The following C11orf65 variants were observed in gnomAD, a reference collection of about 807,000 sequenced individuals.
C11orf65 encodes the protein protein MFI.
C11orf65 carries 38 observed loss-of-function variants against 35.3 expected under a neutral mutation model. That is an observed-to-expected ratio of 1.08 (90% CI 0.83 to 1.41). The LOEUF (loss-of-function observed/expected upper bound fraction) is 1.41. Among genes scored for constraint, C11orf65 ranks in the 40% most tolerant of loss-of-function variants. The probability of loss-of-function intolerance (pLI) is 0.00; values close to 1 mark genes in which losing one functional copy is unlikely to be tolerated. For missense variants in C11orf65, 370 were observed against 367.1 expected (o/e 1.01, Z -0.06); for synonymous variants, 105 against 114.4 (o/e 0.92, Z 0.53).
Position 108,354,710 on chromosome 11 carries a change from A to G in C11orf65, c.227-19418T>C, listed in dbSNP as rs992786517. The G allele has an allele frequency of 5.7e-6, 6 of 1,048,068 alleles. No homozygotes were observed. In the African/African-American group the frequency reaches 7.8e-5, roughly 14 times the overall value. 64.9% of individuals were successfully genotyped at this position (1,048,068 alleles called of 1,614,324 possible). A position where few individuals can be genotyped will look rare whatever the true frequency, so the allele number is the denominator to read the frequency against. On this transcript the variant is annotated intron_variant, in intron 2 of 3. Coordinates refer to the C11orf65 transcript ENST00000524755. ...TGAGATACAGATATGTAGATTATTAAGCATAGGCTCAGCATACTACACATG... is the reference window on the plus strand; with the variant it reads ...TGAGATACAGATATGTAGATTATTAGGCATAGGCTCAGCATACTACACATG...
chr11:108,364,991 T>C (rs2137855986), intron 2 of C11orf65: 2 of 1,458,782 alleles, frequency 1.4e-6, no homozygotes, highest in Non-Finnish European at 1.9e-6. Context: ...ACCATGTGAC[T>C]GGCTTATTTG....
intron 2 of C11orf65, among the ~76,000 whole-genome samples, chr11:108,458,917 G>A (rs2093438169): frequency 6.6e-6 from 1 of 152,142 alleles, no homozygotes; most frequent in African/African-American, 2.4e-5. Flanking sequence ...AAAAAAAAGT[G>A]AACCTTGGTT....
intron 6 of C11orf65, among the ~76,000 whole-genome samples, chr11:108,324,687 T>G (rs987325597): frequency 7.2e-5 from 11 of 152,348 alleles, no homozygotes; most frequent in African/African-American, 2.4e-4. Context: ...TTCCTCTTTC[T>G]TATTTCTTTC....
At chr11:108,407,056 G>T in intron 4 of C11orf65, 40 bp downstream of exon 4, 1 of 1,578,482 alleles carries the variant, frequency 6.3e-7, no homozygotes, top group Non-Finnish European at 8.7e-7. Context: ...TCATAAAAAT[G>T]TGCTTTATAA....
At chr11:108,460,436 A>G (rs1432164011) in intron 2 of C11orf65, among the ~76,000 whole-genome samples, 4 of 152,184 alleles carry the variant, frequency 2.6e-5, no homozygotes, top group African/African-American at 9.6e-5. Context: ...ATAAAAGCAC[A>G]AGTGACCACG....
chr11:108,408,590 C>T (rs1474416155), intron 3 of C11orf65, among the ~76,000 whole-genome samples: 6 of 151,202 alleles, frequency 4.0e-5, no homozygotes, highest in Non-Finnish European at 7.4e-5. Flanking sequence ...GCAGGAGAAT[C>T]GCTTGAACCA....
chr11:108,352,190 A>G (rs2137234849), intron 2 of C11orf65, among the ~76,000 whole-genome samples: 1 of 152,380 alleles, frequency 6.6e-6, no homozygotes. Flanking sequence ...GCCAACACTG[A>G]GATGACAATG....
chr11:108,364,946 G>T, intron 2 of C11orf65: 1 of 910,336 alleles, frequency 1.1e-6, no homozygotes. Flanking sequence ...GAAACATGAA[G>T]TGTGCATGAT....
rs1162955302 is a variant in C11orf65, at chr11:108,465,982, TAAAA to T, written c.-10+1485_-10+1488del. Among the ~76,000 whole-genome samples, 498 of 126,130 alleles carry T rather than the reference TAAAA, an allele frequency of 3.9e-3. 1 individual carries two copies. The highest frequency in any genetic ancestry group is 0.013 in the African/African-American group (473 of 36,014). The allele number at this position is 126,130 out of a possible 152,430, so 82.7% of individuals were successfully genotyped here. On this transcript the variant is annotated intron_variant, in intron 1 of 8. Coordinates refer to ENST00000393084, the MANE Select transcript of C11orf65 (RefSeq NM_152587.5). Reference sequence around the variant, plus strand: ...TGGGCAACAAGAGTGAAACTCGGTCTAAAAAAAAAAAAAAACAACAACAACAACA... The same window carrying T: ...TGGGCAACAAGAGTGAAACTCGGTCTAAAAAAAAAAACAACAACAACAACA...
chr11:108,456,525 T>C (rs1038678124), intron 2 of C11orf65, among the ~76,000 whole-genome samples: 1 of 152,144 alleles, frequency 6.6e-6, no homozygotes, highest in African/African-American at 2.4e-5. Flanking sequence ...CTCACCTCTG[T>C]AATCTCAGCA....
chr11:108,371,006 T>G (rs1017451997), intron 2 of C11orf65, among the ~76,000 whole-genome samples: 1 of 152,106 alleles, frequency 6.6e-6, no homozygotes, highest in African/African-American at 2.4e-5. Flanking sequence ...AATTCTCCGG[T>G]GAGAATTAAA....
chr11:108,312,418 G>A lies in C11orf65; in HGVS notation c.641-3347C>T, dbSNP rs2084241683. 2 of 1,590,672 alleles carry A rather than the reference G, an allele frequency of 1.3e-6. No homozygotes were observed. Among genetic ancestry groups the A allele is most frequent in the Non-Finnish European group, 1.7e-6 (2 of 1,158,966 alleles). On this transcript the variant is annotated intron_variant, in intron 6 of 6. Coordinates refer to the C11orf65 transcript ENST00000525729. ...TGTTCTTGTGACAAACAGAAGTCTT[G>A]CATTTGAAGAAGGAAGCCAGAGTAC...
intron 1 of C11orf65, among the ~76,000 whole-genome samples, chr11:108,465,332 C>T (rs951946568): frequency 6.6e-6 from 1 of 152,122 alleles, no homozygotes; most frequent in African/African-American, 2.4e-5. Context: ...ATAAATGCCA[C>T]CATTATATGT....
At chr11:108,365,886 G>C (rs1014120290) in intron 2 of C11orf65, 1 of 210,308 alleles carries the variant, frequency 4.8e-6, no homozygotes, top group African/African-American at 2.3e-5. Context: ...AAAATTAGCC[G>C]AGCATGGTGG....
intron 3 of C11orf65, among the ~76,000 whole-genome samples, chr11:108,421,937 ATTCTTT>A (rs373708231): frequency 4.6e-5 from 7 of 152,094 alleles, no homozygotes; most frequent in African/African-American, 1.7e-4. Flanking sequence ...TCTGATGGTT[ATTCTTT>A]TTTTTTGAGA....
At position 108,335,285 on chromosome 11, in the gene C11orf65, TTG is replaced by T; in HGVS notation, c.232_233del (p.Thr78LysfsTer12). On this transcript the variant is annotated frameshift_variant, in exon 3 of 4. Transcript: ENST00000524755. LOFTEE classifies it high-confidence loss of function. The stretch of plus-strand genomic sequence containing the variant: ...AGAACCAGGCTTTTCTCCATTTTTT[TTG>T]TGTCTCTGAAAGACAATCATTATTA... 2.0e-6 allele frequency: 3 copies of T among 1,517,092 alleles called. No homozygotes were observed. The highest frequency in any genetic ancestry group is 3.4e-4 in the Middle Eastern group (2 of 5,884). 94.0% of individuals were successfully genotyped at this position (1,517,092 alleles called of 1,614,324 possible). A position where few individuals can be genotyped will look rare whatever the true frequency, so the allele number is the denominator to read the frequency against.
chr11:108,425,072 A>C (rs1267933474), intron 3 of C11orf65, among the ~76,000 whole-genome samples: 1 of 152,176 alleles, frequency 6.6e-6, no homozygotes, highest in Non-Finnish European at 1.5e-5. Flanking sequence ...TAAAATTGAC[A>C]CCCTAATATC....
chr11:108,349,209 A>G lies in C11orf65; in HGVS notation c.227-13917T>C, dbSNP rs1006938342. ...TATGAAAGAAGTAGTGCTCAATAGTATCTGATACAGAAAGGTCAGAGAGGA... is the reference window on the plus strand; with the variant it reads ...TATGAAAGAAGTAGTGCTCAATAGTGTCTGATACAGAAAGGTCAGAGAGGA... On this transcript the variant is annotated intron_variant, in intron 2 of 3. Transcript: ENST00000524755. Among the ~76,000 whole-genome samples the G allele has an allele frequency of 2.0e-5, 3 of 152,242 alleles. No individual in the cohort carries two copies. The East Asian group carries it at 5.8e-4, about 29-fold the overall frequency.
rs1278470956 is a variant in C11orf65, at chr11:108,405,666, G to C, written c.430-107C>G. 2.1e-5 allele frequency: 23 copies of C among 1,111,344 alleles called. No individual in the cohort carries two copies. In the Admixed American group the frequency reaches 4.8e-4, roughly 23 times the overall value. 68.8% of individuals were successfully genotyped at this position (1,111,344 alleles called of 1,614,324 possible). On this transcript the variant is annotated intron_variant, in intron 5 of 8. Transcript: ENST00000393084. ...TGTTCAGTAGGAATATGGCAAGATA[G>C]AAACAGAGGAGAGGATAGATACTTT...
Sources: gnomAD v4.1 joint callset for allele counts (sites outside exome capture counted in the v4.1 genomes callset) on GRCh38, gnomAD v4.1.1 for gene constraint, MANE v1.5 for transcripts, NCBI Gene and HGNC (gene_info 2026-07-23, HGNC 2026-07-21) for gene names.